MAN1A2: variants seen among roughly 807,000 people sequenced by gnomAD.
The protein encoded by MAN1A2 is mannosidase alpha class 1A member 2, also known as mannosyl-oligosaccharide 1,2-alpha-mannosidase IB.
MAN1A2 carries 26 observed loss-of-function variants against 75.7 expected under a neutral mutation model. That is an observed-to-expected ratio of 0.34 (90% confidence interval 0.25 to 0.48). MAN1A2 has a LOEUF of 0.48. Among genes scored for constraint, MAN1A2 ranks in the 20% least tolerant of loss-of-function variants. The pLI, the probability that MAN1A2 is intolerant of heterozygous loss-of-function variation, is 0.99. For missense variants in MAN1A2, 562 were observed against 775.5 expected, an observed-to-expected ratio of 0.72 and a Z score of 3.27; for synonymous variants, 247 against 264.6, an observed-to-expected ratio of 0.93 and a Z score of 0.65.
chr1:117,458,484 A>AATATATATATCTATATATATATATATAT (rs1313468537), intron 6 of MAN1A2, among the ~76,000 whole-genome samples: 3 of 104,778 alleles, frequency 2.9e-5, no homozygotes, highest in Non-Finnish European at 5.6e-5. Flanking sequence ...TAAGATGAGA[A>AATATATATATCTATATATATATATATAT]ATATATATAT....
rs1393497567 is a variant in MAN1A2, at chr1:117,502,842, A to G, written c.1678-13A>G. The G allele has an allele frequency of 1.4e-6, 2 of 1,393,310 alleles. No individual in the cohort carries two copies. Among genetic ancestry groups the G allele is most frequent in the Non-Finnish European group, 2.0e-6 (2 of 986,430 alleles). The allele number at this position is 1,393,310 out of a possible 1,614,324, so 86.3% of individuals were successfully genotyped here. A position where few individuals can be genotyped will look rare whatever the true frequency, so the allele number is the denominator to read the frequency against. ...TCTACGGAATTGCTTATTTTGTCTG[A>G]TCTCTTTCATAGGCCATTGAAAAGT... On this transcript the variant is annotated splice_polypyrimidine_tract_variant and intron_variant, in intron 11 of 12. Transcript: ENST00000356554.
At chr1:117,413,571 A>C (rs1175307825) in intron 3 of MAN1A2, among the ~76,000 whole-genome samples, 1 of 151,726 alleles carries the variant, frequency 6.6e-6, no homozygotes, top group Non-Finnish European at 1.5e-5. Context: ...AACCTTTCAG[A>C]GTTTTGGGGT....
intron 1 of MAN1A2, among the ~76,000 whole-genome samples, chr1:117,371,618 GA>G (rs1163867867): frequency 1.3e-5 from 2 of 152,042 alleles, no homozygotes; most frequent in Non-Finnish European, 2.9e-5. Context: ...GAGCCCTAAG[GA>G]AAAAAAGCTT....
In MAN1A2 at chr1:117,525,797, C is replaced by T. The variant is rs958179095; in HGVS notation, c.*2840C>T. 2 of 151,714 alleles carry T rather than the reference C, an allele frequency of 1.3e-5. No homozygotes were observed. Among genetic ancestry groups the T allele is most frequent in the Non-Finnish European group, 2.9e-5 (2 of 67,808 alleles). The allele number at this position is 151,714 out of a possible 1,614,324, so 9.4% of individuals were successfully genotyped here. A position where few individuals can be genotyped will look rare whatever the true frequency, so the allele number is the denominator to read the frequency against. On this transcript the variant is annotated 3_prime_UTR_variant, in exon 13 of 13. Coordinates refer to ENST00000356554, the MANE Select transcript of MAN1A2 (RefSeq NM_006699.5). ...TAAAACCAAGGGAATGGGGCCCTAA[C>T]CAAAAAGAAGTCTCAACTCAGAAAA...
intron 4 of MAN1A2, among the ~76,000 whole-genome samples, chr1:117,415,958 C>A (rs1473820620): frequency 6.6e-6 from 1 of 152,068 alleles, no homozygotes; most frequent in Non-Finnish European, 1.5e-5. Flanking sequence ...GAAATGTAGT[C>A]TTTTTTTCTG....
At chr1:117,512,034 G>T (rs6660349) in intron 12 of MAN1A2, among the ~76,000 whole-genome samples, 17,081 of 152,050 alleles carry the variant, frequency 0.11, 1,058 homozygotes, top group Non-Finnish European at 0.14. Flanking sequence ...ATAAGATCTT[G>T]TATATAATAA....
In MAN1A2 at chr1:117,458,484, A is replaced by AATATATATATCTATATATATATATAT. The variant is rs1313468537; in HGVS notation, c.951-1995_951-1994insCTATATATATATATATATATATATAT. ...GAATACAAGTGAATATAAGATGAGA[A>AATATATATATCTATATATATATATAT]ATATATATATATCTATATATATATA... On this transcript the variant is annotated intron_variant, in intron 6 of 12. Transcript: ENST00000356554. Among the ~76,000 whole-genome samples the AATATATATATCTATATATATATATAT allele has an allele frequency of 2.1e-3, 219 of 104,724 alleles. 4 individuals carry two copies. The highest frequency in any genetic ancestry group is 3.1e-3 in the Non-Finnish European group (164 of 53,262). 68.7% of individuals were successfully genotyped at this position (104,724 alleles called of 152,430 possible).
intron 5 of MAN1A2, among the ~76,000 whole-genome samples, chr1:117,435,166 G>T (rs965329364): frequency 3.3e-5 from 5 of 152,092 alleles, no homozygotes; most frequent in Admixed American, 2.6e-4. Flanking sequence ...GAGAAGTATT[G>T]ACTGGAGATA....
chr1:117,442,297 A>C lies in MAN1A2; in HGVS notation c.922A>C (p.Ile308Leu). Residue 308 changes from isoleucine to leucine, a missense_variant, in exon 6 of 13, where the codon ATT becomes CTT. Ile to Leu is a conservative substitution (Grantham distance 5, BLOSUM62 2). Coordinates refer to ENST00000356554, the MANE Select transcript of MAN1A2 (RefSeq NM_006699.5). Reference protein sequence around the residue: ...LLPAFNTPTGIPWAMVNLKSG... With the variant: ...LLPAFNTPTGLPWAMVNLKSG... ...TCCTGCCTTTAACACACCTACTGGG[A>C]TTCCTTGGGCAATGGTGAATTTGAA... The C allele has an allele frequency of 6.2e-7, 1 of 1,611,518 alleles. No individual in the cohort carries two copies. The highest frequency in any genetic ancestry group is 8.5e-7 in the Non-Finnish European group (1 of 1,177,722).
At chr1:117,417,552 TATATATGTG>T (rs1257723479) in intron 4 of MAN1A2, among the ~76,000 whole-genome samples, 5 of 142,408 alleles carry the variant, frequency 3.5e-5, no homozygotes, top group African/African-American at 1.3e-4. Context: ...TATATATATA[TATATATGTG>T]ATATATATGT....
chr1:117,493,288 A>G (rs1436667595), intron 9 of MAN1A2, 26 bp downstream of exon 9: 2 of 1,413,214 alleles, frequency 1.4e-6, no homozygotes, highest in African/African-American at 1.4e-5. Context: ...ACATTTTTCT[A>G]CTTAATGGAT....
At chr1:117,485,054 C>T (rs1650627643) in intron 8 of MAN1A2, among the ~76,000 whole-genome samples, 1 of 151,906 alleles carries the variant, frequency 6.6e-6, no homozygotes, top group Non-Finnish European at 1.5e-5. Flanking sequence ...AAAGGTTTTT[C>T]TGTGCAACAC....
At chr1:117,455,050 G>A (rs1267479070) in intron 6 of MAN1A2, among the ~76,000 whole-genome samples, 1 of 152,114 alleles carries the variant, frequency 6.6e-6, no homozygotes, top group Non-Finnish European at 1.5e-5. Flanking sequence ...AACTTAGGTT[G>A]GTAGGATGTA....
At chr1:117,441,273 T>A (rs545930202) in intron 5 of MAN1A2, among the ~76,000 whole-genome samples, 1 of 152,294 alleles carries the variant, frequency 6.6e-6, no homozygotes, top group East Asian at 1.9e-4. Flanking sequence ...TGGTATGCTT[T>A]GTTATAATAT....
chr1:117,398,687 A>G (rs1050020891), intron 1 of MAN1A2, among the ~76,000 whole-genome samples: 23 of 151,828 alleles, frequency 1.5e-4, no homozygotes, highest in Non-Finnish European at 2.6e-4. Flanking sequence ...AAAAAAAAAA[A>G]GAACTGAAAG....
At chr1:117,469,215 CTT>C (rs1395297924) in intron 8 of MAN1A2, among the ~76,000 whole-genome samples, 1 of 152,080 alleles carries the variant, frequency 6.6e-6, no homozygotes, top group African/African-American at 2.4e-5. Flanking sequence ...AAACAGAACT[CTT>C]TCTCTTCAAC....
intron 5 of MAN1A2, among the ~76,000 whole-genome samples, chr1:117,420,921 A>G (rs748015563): frequency 3.3e-5 from 5 of 152,074 alleles, no homozygotes; most frequent in African/African-American, 4.8e-5. Flanking sequence ...TGCCATTGCA[A>G]TTAATTCCAT....
intron 1 of MAN1A2, among the ~76,000 whole-genome samples, chr1:117,400,891 A>C (rs1242873919): frequency 6.6e-6 from 1 of 152,198 alleles, no homozygotes; most frequent in Non-Finnish European, 1.5e-5. Context: ...TAACCATTTT[A>C]ATGTGTACAA....
intron 5 of MAN1A2, among the ~76,000 whole-genome samples, chr1:117,433,642 A>G (rs1426134221): frequency 6.6e-6 from 1 of 152,216 alleles, no homozygotes; most frequent in Non-Finnish European, 1.5e-5. Context: ...ATTGTCTGCA[A>G]ATAATGACAG....
Sources: gnomAD v4.1 joint callset for allele counts (sites outside exome capture counted in the v4.1 genomes callset) on GRCh38, gnomAD v4.1.1 for gene constraint, MANE v1.5 for transcripts, NCBI Gene and HGNC (gene_info 2026-07-23, HGNC 2026-07-21) for gene names.